ATIC: variants seen among roughly 807,000 people sequenced by gnomAD.
The protein encoded by ATIC is bifunctional purine biosynthesis protein ATIC.
In ATIC, 64 loss-of-function variants were observed where a neutral mutation model predicts 72.5. The observed-to-expected ratio is 0.88, with a 90% CI of 0.72 to 1.09. The LOEUF (loss-of-function observed/expected upper bound fraction) is 1.09, where lower values mean the gene tolerates loss of function less well. ATIC is among the 50% of genes least tolerant of loss of function. The probability of loss-of-function intolerance (pLI) is 0.00; values close to 1 mark genes in which losing one functional copy is unlikely to be tolerated. For synonymous variants in ATIC, 281 were observed against 267.1 expected (o/e 1.05, Z -0.51); for missense variants, 787 against 732.4 (o/e 1.07, Z -0.86).
chr2:215,367,469 C>T, the ATIC span, among the ~76,000 whole-genome samples: 2 of 152,094 alleles, frequency 1.3e-5, no homozygotes, highest in African/African-American at 2.4e-5. Context: ...GTTTTTGAGT[C>T]TAAATGTTCA....
intron 2 of ATIC, among the ~76,000 whole-genome samples, chr2:215,315,809 G>A (rs889348500): frequency 6.6e-6 from 1 of 152,104 alleles, no homozygotes; most frequent in Non-Finnish European, 1.5e-5. Flanking sequence ...AAAAGAATCA[G>A]CCGGGTGTGG....
chr2:215,319,053 G>C (rs1437655124), intron 3 of ATIC, among the ~76,000 whole-genome samples: 1 of 151,694 alleles, frequency 6.6e-6, no homozygotes, highest in Non-Finnish European at 1.5e-5. Flanking sequence ...GCTAATTTTT[G>C]TATTTTTTAT....
chr2:215,367,695 A>G, the ATIC span: 1 of 717,736 alleles, frequency 1.4e-6, no homozygotes, highest in Non-Finnish European at 2.4e-6. Flanking sequence ...AAAATTTCCC[A>G]TCATTTTTCT....
At chr2:215,337,331 C>T (rs1456724226) in intron 11 of ATIC, among the ~76,000 whole-genome samples, 2 of 152,086 alleles carry the variant, frequency 1.3e-5, no homozygotes, top group Non-Finnish European at 2.9e-5. Context: ...GATTCCATGT[C>T]AGCTATTTAA....
At chr2:215,361,061 T>G in the ATIC span, 2 of 156,958 alleles carry the variant, frequency 1.3e-5, no homozygotes, top group Non-Finnish European at 2.8e-5. Context: ...AGAAAGATAT[T>G]TCTAGGCAAT....
intron 15 of ATIC, 93 bp from the exon 16 acceptor site, chr2:215,349,441 GTA>G: frequency 6.2e-7 from 1 of 1,602,148 alleles, no homozygotes; most frequent in Non-Finnish European, 8.5e-7. Flanking sequence ...TTGACTGAGT[GTA>G]TCTTTGTTAG....
At chr2:215,327,116 T>C in intron 7 of ATIC, 138 bp downstream of exon 7, 2 of 1,380,610 alleles carry the variant, frequency 1.4e-6, no homozygotes, top group Admixed American at 3.8e-5. Context: ...AACCATCTGG[T>C]TTGAGACGCC....
At chr2:215,367,866 A>G in the ATIC span, 1 of 1,613,994 alleles carries the variant, frequency 6.2e-7, no homozygotes, top group Admixed American at 1.7e-5. Context: ...TACTCACTAG[A>G]TGAATCACAT....
At chr2:215,334,802 T>C (rs12466139) in intron 9 of ATIC, 117 bp from the exon 10 acceptor site, 181,776 of 808,786 alleles carry the variant, frequency 0.22, 21,944 homozygotes, top group East Asian at 0.48. Flanking sequence ...TAAAATCTTA[T>C]GTAAACAGTA....
At position 215,312,584 on chromosome 2, in the gene ATIC, G is replaced by C. The variant is rs760861121; in HGVS notation, c.106G>C (p.Gly36Arg). 6.2e-7 allele frequency: 1 copy of C among 1,614,226 alleles called. No homozygotes were observed. Among genetic ancestry groups the C allele is most frequent in the African/African-American group, 1.3e-5 (1 of 75,056 alleles). ...ALGLNLVASG[G>R]TAKALRDAGL... Reference sequence around the variant, plus strand: ...TGGTTTGAATCTGGTCGCTTCCGGAGGGACTGCAAAAGCTCTCAGGGATGC... The same window carrying C: ...TGGTTTGAATCTGGTCGCTTCCGGACGGACTGCAAAAGCTCTCAGGGATGC... Residue 36 changes from glycine to arginine, a missense_variant, in exon 2 of 16, where the codon GGG becomes CGG. Coordinates refer to ENST00000236959, the MANE Select transcript of ATIC (RefSeq NM_004044.7).
intron 13 of ATIC, chr2:215,345,119 T>C (rs746513744): frequency 9.3e-6 from 5 of 538,750 alleles, no homozygotes; most frequent in Non-Finnish European, 1.7e-5. Flanking sequence ...TGGCACATTT[T>C]GGATTAGTGA....
intron 4 of ATIC, among the ~76,000 whole-genome samples, chr2:215,323,676 C>A (rs1374269524): frequency 3.3e-5 from 5 of 152,200 alleles, no homozygotes; most frequent in African/African-American, 1.2e-4. Context: ...TGCTTTCTTT[C>A]CAGTCCTGAT....
In ATIC at chr2:215,336,097, G is replaced by GA. The variant is rs1202506777; in HGVS notation, c.1076dup (p.Asn359LysfsTer17). 6.2e-7 allele frequency: 1 copy of GA among 1,612,980 alleles called. No homozygotes were observed. Among genetic ancestry groups the GA allele is most frequent in the Non-Finnish European group, 8.5e-7 (1 of 1,179,186 alleles). ...AAGCCTTGACAATACTTTCCAAAAA[G>GA]AAAAATGGAAACTATTGTGTCCTTC... is the stretch of plus-strand genomic sequence containing the variant. On this transcript the variant is annotated frameshift_variant, in exon 11 of 16. Transcript: ENST00000236959. LOFTEE classifies it high-confidence loss of function.
chr2:215,334,362 T>C (rs1203733633), intron 9 of ATIC, among the ~76,000 whole-genome samples: 1 of 151,562 alleles, frequency 6.6e-6, no homozygotes. Flanking sequence ...CCTGGCTAAT[T>C]TTTTTGTATT....
At chr2:215,317,695 G>A (rs563749129) in intron 2 of ATIC, among the ~76,000 whole-genome samples, 18 of 152,100 alleles carry the variant, frequency 1.2e-4, no homozygotes, top group African/African-American at 4.1e-4. Flanking sequence ...CATCATGTTG[G>A]CCAGGCTGGT....
rs199801475 is a variant in ATIC at position 215,326,075 on chromosome 2, G to A, written c.468G>A (p.Thr156=). The part of the protein sequence containing the change: ...CEPEDYVVVS[T]EMQSSESKDT... ...CAGAGGACTATGTGGTGGTGTCCAC[G>A]GAGATGCAGAGCTCCGAGAGTAAGG... is the stretch of plus-strand genomic sequence containing the variant. The change falls in exon 6 of 16, where the codon ACG becomes ACA. Residue 156 remains threonine (T), a synonymous_variant. Coordinates refer to ENST00000236959, the MANE Select transcript of ATIC (RefSeq NM_004044.7). The A allele has an allele frequency of 2.2e-5, 35 of 1,614,030 alleles. No individual in the cohort carries two copies. Among genetic ancestry groups the A allele is most frequent in the Middle Eastern group, 1.6e-4 (1 of 6,084 alleles).
the ATIC span, chr2:215,361,587 C>T: frequency 1.8e-5 from 29 of 1,611,806 alleles, no homozygotes; most frequent in East Asian, 4.5e-5. Context: ...TCAGCCTGTA[C>T]ATCTAAAGGC....
the ATIC span, chr2:215,367,878 T>G: frequency 6.2e-7 from 1 of 1,614,030 alleles, no homozygotes; most frequent in Non-Finnish European, 8.5e-7. Context: ...GAATCACATC[T>G]GAAATGACCA....
At position 215,326,939 on chromosome 2, in the gene ATIC, G is replaced by T. The variant is rs1246996219; in HGVS notation, c.649G>T (p.Ala217Ser). 6.2e-7 allele frequency: 1 copy of T among 1,614,136 alleles called. No individual in the cohort carries two copies. The highest frequency in any genetic ancestry group is 1.3e-5 in the African/African-American group (1 of 75,034). ...TGGAATGAACCCACATCAGACCCCT[G>T]CCCAGCTGTACACACTGCAGCCCAA... ...RYGMNPHQTP[A>S]QLYTLQPKLP... The change falls in exon 7 of 16, where the codon GCC becomes TCC. Residue 217 changes from alanine (A) to serine (S), a missense_variant. Coordinates refer to ENST00000236959, the MANE Select transcript of ATIC (RefSeq NM_004044.7).
Sources: gnomAD v4.1 joint callset for allele counts (sites outside exome capture counted in the v4.1 genomes callset) on GRCh38, gnomAD v4.1.1 for gene constraint, MANE v1.5 for transcripts, NCBI Gene and HGNC (gene_info 2026-07-23, HGNC 2026-07-21) for gene names.